Variants in SVIL observed in about 807,000 individuals in gnomAD.
The protein encoded by SVIL is archvillin.
Under a neutral mutation model 240.4 loss-of-function variants are expected in SVIL, and 101 were observed. The observed-to-expected ratio is 0.42, with a 90% CI of 0.36 to 0.50. SVIL has a LOEUF of 0.50. Ranked by LOEUF, SVIL falls within the 20% of genes least tolerant of loss-of-function variation. SVIL has a pLI of 0.01. For missense variants in SVIL, 2,512 were observed against 2,818.7 expected, an observed-to-expected ratio of 0.89 and a Z score of 2.46; for synonymous variants, 999 against 1,100.0, an observed-to-expected ratio of 0.91 and a Z score of 1.82.
chr10:29,707,333 TCTC>T (rs541129562), intron 1 of SVIL, among the ~76,000 whole-genome samples: 1,693 of 152,306 alleles, frequency 0.011, 15 homozygotes, highest in South Asian at 0.018. Context: ...GGTTTGTAGT[TCTC>T]CTTGAAGAGG....
At chr10:29,708,728 C>T (rs569111865) in intron 1 of SVIL, among the ~76,000 whole-genome samples, 19 of 152,160 alleles carry the variant, frequency 1.2e-4, no homozygotes, top group African/African-American at 4.6e-4. Context: ...AAAAAGTATA[C>T]AGTGTGCATG....
chr10:29,535,370 G>A (rs1281407629), intron 7 of SVIL, among the ~76,000 whole-genome samples: 1 of 152,158 alleles, frequency 6.6e-6, no homozygotes, highest in African/African-American at 2.4e-5. Context: ...TCTGAATGTT[G>A]TCCTCAGCCA....
chr10:29,666,351 T>C (rs1460565299), intron 2 of SVIL, among the ~76,000 whole-genome samples: 2 of 152,218 alleles, frequency 1.3e-5, no homozygotes, highest in Non-Finnish European at 2.9e-5. Context: ...CTATATGCCT[T>C]TTAATAACCA....
At chr10:29,671,097 T>A (rs1414793740) in intron 2 of SVIL, 2 of 152,258 alleles carry the variant, frequency 1.3e-5, no homozygotes, top group African/African-American at 2.4e-5. Flanking sequence ...TTTCATCTAT[T>A]TCCTCTGTTG....
rs760229616 is a variant in SVIL at position 29,471,253 on chromosome 10, T to C, written c.5530-10A>G. On this transcript the variant is annotated splice_polypyrimidine_tract_variant and intron_variant, in intron 30 of 37. Coordinates refer to ENST00000355867, the MANE Select transcript of SVIL (RefSeq NM_021738.3). ...CCTGGAGAACCTGGACCTTCCGATT[T>C]AAACAGAGGTAAATAGGTAAGGGGC... is the stretch of plus-strand genomic sequence containing the variant. The C allele has an allele frequency of 3.7e-6, 6 of 1,602,546 alleles. No homozygotes were observed. Among genetic ancestry groups the C allele is most frequent in the Non-Finnish European group, 4.3e-6 (5 of 1,171,674 alleles).
intron 1 of SVIL, among the ~76,000 whole-genome samples, chr10:29,626,087 G>C (rs1284178691): frequency 6.6e-6 from 1 of 152,190 alleles, no homozygotes; most frequent in Non-Finnish European, 1.5e-5. Flanking sequence ...CAAACTTGTA[G>C]TTACGAGTAA....
chr10:29,566,905 G>C (rs1955019260), intron 2 of SVIL, among the ~76,000 whole-genome samples: 1 of 152,184 alleles, frequency 6.6e-6, no homozygotes, highest in Admixed American at 6.5e-5. Context: ...AACCTCTGCA[G>C]GCCTTGGTGT....
At chr10:29,579,341 G>A (rs1167932530) in intron 1 of SVIL, among the ~76,000 whole-genome samples, 1 of 152,200 alleles carries the variant, frequency 6.6e-6, no homozygotes, top group African/African-American at 2.4e-5. Flanking sequence ...GGGAGGCTGA[G>A]ACAGGAGAAT....
intron 32 of SVIL, among the ~76,000 whole-genome samples, chr10:29,469,316 G>A (rs996073513): frequency 2.6e-5 from 4 of 152,260 alleles, no homozygotes; most frequent in East Asian, 3.9e-4. Flanking sequence ...CACCTGCCCC[G>A]TTCTCCTCTC....
At chr10:29,689,317 C>T (rs1480753851) in intron 1 of SVIL, among the ~76,000 whole-genome samples, 1 of 152,072 alleles carries the variant, frequency 6.6e-6, no homozygotes, top group Non-Finnish European at 1.5e-5. Context: ...CAGAGTCTCG[C>T]ACTATCACCC....
At chr10:29,727,311 T>G (rs7078527) in intron 1 of SVIL, among the ~76,000 whole-genome samples, 101,096 of 151,968 alleles carry the variant, frequency 0.67, 33,835 homozygotes, top group East Asian at 0.73. Flanking sequence ...TAACATTAGC[T>G]GGAGTATAGT....
chr10:29,648,876 G>A (rs1337947501), intron 3 of SVIL, among the ~76,000 whole-genome samples: 1 of 152,026 alleles, frequency 6.6e-6, no homozygotes, highest in East Asian at 1.9e-4. Context: ...AGAGGCTCAT[G>A]CCTATATTCC....
chr10:29,691,500 C>A (rs1001391646), intron 1 of SVIL, among the ~76,000 whole-genome samples: 1 of 152,152 alleles, frequency 6.6e-6, no homozygotes, highest in Non-Finnish European at 1.5e-5. Flanking sequence ...CGTGAGCCAC[C>A]GCGCCCAGCC....
chr10:29,533,496 G>A (rs955323820), intron 7 of SVIL, 38 bp from the exon 8 acceptor site: 1 of 1,578,854 alleles, frequency 6.3e-7, no homozygotes, highest in Non-Finnish European at 8.6e-7. Flanking sequence ...GCAAAGTGCA[G>A]TAACGGCCTC....
At chr10:29,539,229 A>G (rs573587515) in intron 6 of SVIL, among the ~76,000 whole-genome samples, 2 of 152,344 alleles carry the variant, frequency 1.3e-5, no homozygotes, top group South Asian at 2.1e-4. Flanking sequence ...CATCATGCCT[A>G]GGACATAATA....
intron 2 of SVIL, among the ~76,000 whole-genome samples, chr10:29,678,462 G>C (rs1439686367): frequency 2.0e-5 from 3 of 152,152 alleles, no homozygotes; most frequent in Admixed American, 2.0e-4. Flanking sequence ...AAGCAATGGG[G>C]AGCAACTGCA....
chr10:29,684,058 C>T (rs558859764), intron 2 of SVIL, among the ~76,000 whole-genome samples: 16 of 151,884 alleles, frequency 1.1e-4, no homozygotes, highest in South Asian at 6.3e-4. Context: ...CCACCCCCAC[C>T]GAAAAAAACT....
chr10:29,642,917 C>A (rs1958536607), intron 3 of SVIL, among the ~76,000 whole-genome samples: 1 of 152,196 alleles, frequency 6.6e-6, no homozygotes, highest in Admixed American at 6.5e-5. Flanking sequence ...AACTCCTGAC[C>A]TCAAATGATC....
At chr10:29,568,124 C>T (rs941218205) in intron 2 of SVIL, among the ~76,000 whole-genome samples, 4 of 151,912 alleles carry the variant, frequency 2.6e-5, no homozygotes, top group African/African-American at 7.3e-5. Context: ...AAAAAAGTGA[C>T]GTTTCGTGAG....
Sources: gnomAD v4.1 joint callset for allele counts (sites outside exome capture counted in the v4.1 genomes callset) on GRCh38, gnomAD v4.1.1 for gene constraint, MANE v1.5 for transcripts, NCBI Gene and HGNC (gene_info 2026-07-23, HGNC 2026-07-21) for gene names.